Variants in EIF2B5 observed in about 807,000 individuals in gnomAD.
EIF2B5 encodes the protein translation initiation factor eIF2B subunit epsilon.
Under a neutral mutation model 87.3 loss-of-function variants are expected in EIF2B5, and 38 were observed. The observed-to-expected ratio is 0.44, with a 90% confidence interval of 0.34 to 0.57. EIF2B5 has a LOEUF of 0.57. Among genes scored for constraint, EIF2B5 ranks in the 20% least tolerant of loss-of-function variants. EIF2B5 has a pLI of 0.02. For missense variants in EIF2B5, 784 were observed against 909.5 expected (o/e 0.86, Z 1.78); for synonymous variants, 313 against 339.6 (o/e 0.92, Z 0.86).
rs749795319 is a variant in EIF2B5 at position 184,137,738 on chromosome 3, G to C, written c.439G>C (p.Asp147His). The change falls in exon 3 of 16, where the codon GAC (aspartate) becomes CAC (histidine). Residue 147 changes from aspartate to histidine, a missense_variant. Physicochemically the swap from Asp to His is moderately conservative, Grantham distance 81 (BLOSUM62 -1). This residue lies in a region of EIF2B5 where 660 missense variants were observed against 789.5 expected (regional missense o/e 0.84). Coordinates refer to ENST00000648915, the MANE Select transcript of EIF2B5 (RefSeq NM_003907.3). ...DVDAKALVRS[D>H]FLLVYGDVIS... The stretch of plus-strand genomic sequence containing the variant: ...TGATGCCAAGGCTTTGGTGCGCTCT[G>C]ACTTTCTTCTGGTGTATGGGGATGT... The C allele has an allele frequency of 5.0e-6, 8 of 1,614,190 alleles. No individual in the cohort carries two copies. The highest frequency in any genetic ancestry group is 8.5e-7 in the Non-Finnish European group (1 of 1,180,052).
At position 184,142,742 on chromosome 3, in the gene EIF2B5, CT is replaced by C. The variant is rs766164561; in HGVS notation, c.1547-30del. 1.9e-6 allele frequency: 3 copies of C among 1,597,032 alleles called. No individual in the cohort carries two copies. The highest frequency in any genetic ancestry group is 1.7e-6 in the Non-Finnish European group (2 of 1,169,028). On this transcript the variant is annotated intron_variant, in intron 10 of 15. Transcript: ENST00000648915. The surrounding 1 kb of genome is among the most constrained non-coding windows in gnomAD (Gnocchi z 5.0). ...GGTATATTGCTCTCTGTCAATGACT[CT>C]TTTTTTCTTTTTCCTCACCCATTAT...
chr3:184,140,296 C>T, intron 6 of EIF2B5, 122 bp from the exon 7 acceptor site: 1 of 1,411,122 alleles, frequency 7.1e-7, no homozygotes, highest in Non-Finnish European at 1.0e-6. Context: ...GAACAGTACA[C>T]AAAGAAGAAT....
chr3:184,143,167 C>T (rs367638981), intron 12 of EIF2B5, 25 bp downstream of exon 12: 1 of 1,605,746 alleles, frequency 6.2e-7, no homozygotes, highest in Non-Finnish European at 8.5e-7. Context: ...TCCCTGTTCT[C>T]CTCGGGGTGA....
Position 184,144,693 on chromosome 3 carries a change from C to T in EIF2B5, c.2092C>T (p.Arg698Cys), listed in dbSNP as rs374599117. Residue 698 changes from arginine (R) to cysteine (C), a missense_variant, in exon 15 of 16, where the codon CGC becomes TGC. By Grantham distance (180) the Arg-to-Cys change is radical. Transcript: ENST00000648915. Reference protein sequence around the residue: ...RDTTDKGQQLRKNQQLQRFIQ... With the variant: ...RDTTDKGQQLCKNQQLQRFIQ... ...TACAACTGACAAGGGCCAGCAGTTG[C>T]GCAAGAATCAACAGGTGCGTCAGGC... The T allele has an allele frequency of 3.4e-5, 55 of 1,613,864 alleles. No homozygotes were observed. The highest frequency in any genetic ancestry group is 2.2e-4 in the Admixed American group (13 of 59,966).
chr3:184,144,734 A>C (rs1285700516), intron 15 of EIF2B5, 27 bp downstream of exon 15: 1 of 1,605,336 alleles, frequency 6.2e-7, no homozygotes, highest in East Asian at 2.2e-5. Flanking sequence ...TCCTCTCGCC[A>C]AGATGGTTAT....
chr3:184,137,175 T>C (rs559541583), intron 2 of EIF2B5: 17 of 336,094 alleles, frequency 5.1e-5, no homozygotes, highest in South Asian at 4.0e-4. Flanking sequence ...TACATGTTTG[T>C]TGAAATCTTG....
chr3:184,139,996 C>G (rs1713551244), intron 5 of EIF2B5, 84 bp from the exon 6 acceptor site: 1 of 1,138,030 alleles, frequency 8.8e-7, no homozygotes, highest in Non-Finnish European at 1.3e-6. Context: ...GCACTCCAGC[C>G]TGGGCAACAG....
chr3:184,135,631 G>T, intron 1 of EIF2B5, 51 bp downstream of exon 1: 1 of 1,552,864 alleles, frequency 6.4e-7, no homozygotes, highest in Non-Finnish European at 8.7e-7. Flanking sequence ...TGGCAGGGCT[G>T]GAGCAAGTTC....
intron 1 of EIF2B5, chr3:184,135,918 T>A: frequency 5.4e-6 from 2 of 371,656 alleles, no homozygotes; most frequent in Admixed American, 4.4e-5. Context: ...GTTGCTTAGG[T>A]GAAAAGAAAC....
At chr3:184,139,373 C>T (rs557266917) in intron 5 of EIF2B5, among the ~76,000 whole-genome samples, 67 of 149,698 alleles carry the variant, frequency 4.5e-4, no homozygotes, top group African/African-American at 1.6e-3. Context: ...CTCCACCTCC[C>T]AGGTTCAAGC....
rs1465357603 is a variant in EIF2B5, at chr3:184,143,515, C to T, written c.1819C>T (p.Gln607Ter). Residue 607 changes from glutamine (Q) to a stop codon, truncating the protein, a stop_gained, in exon 13 of 16, where the codon CAG becomes TAG. Coordinates refer to ENST00000648915, the MANE Select transcript of EIF2B5 (RefSeq NM_003907.3). LOFTEE classifies it high-confidence loss of function. ...SHVVLEFPLQ[Q>*]MDSPLDSSRY... ...CGTGGTCCTGGAGTTCCCCCTGCAA[C>T]AGATGGATTCCCCGCTTGACTCAAG... 1 of 1,614,214 alleles carries T rather than the reference C, an allele frequency of 6.2e-7. No individual in the cohort carries two copies. Among genetic ancestry groups the T allele is most frequent in the Non-Finnish European group, 8.5e-7 (1 of 1,180,044 alleles).
At position 184,142,744 on chromosome 3, in the gene EIF2B5, T is replaced by G. The variant is rs1230484555; in HGVS notation, c.1547-35T>G. ...TATATTGCTCTCTGTCAATGACTCTTTTTTTCTTTTTCCTCACCCATTATG... is the reference window on the plus strand; with the variant it reads ...TATATTGCTCTCTGTCAATGACTCTGTTTTTCTTTTTCCTCACCCATTATG... On this transcript the variant is annotated intron_variant, in intron 10 of 15. Transcript: ENST00000648915. The surrounding 1 kb of genome is among the most constrained non-coding windows in gnomAD (Gnocchi z 5.0). The G allele has an allele frequency of 2.5e-6, 4 of 1,600,544 alleles. No individual in the cohort carries two copies. In the South Asian group the frequency reaches 4.5e-5, roughly 18 times the overall value.
chr3:184,142,818 G>A lies in EIF2B5; in HGVS notation c.1586G>A (p.Ser529Asn), dbSNP rs747664834. The change falls in exon 11 of 16, where the codon AGT becomes AAT. Residue 529 changes from serine (S) to asparagine (N), a missense_variant. Ser to Asn is a conservative substitution (Grantham distance 46). Transcript: ENST00000648915. This position sits in a 1 kb window ranked among gnomAD's most constrained non-coding sequence, Gnocchi z 5.0. ...ATGGAAGAAGAGAGTGAAAGTGAAA[G>A]TGAGCAAAGTATGGATTCTGAGGAG... is the stretch of plus-strand genomic sequence containing the variant. ...INMEEESESE[S>N]EQSMDSEEPD... 3.7e-6 allele frequency: 6 copies of A among 1,614,156 alleles called. No homozygotes were observed. The South Asian group carries it at 5.5e-5, about 15-fold the overall frequency.
rs1196978595 is a variant in EIF2B5, at chr3:184,139,270, ATTTTTTTTTTTTT to A, written c.766-794_766-782del. Among the ~76,000 whole-genome samples, 14 of 48,012 alleles carry A rather than the reference ATTTTTTTTTTTTT, an allele frequency of 2.9e-4. 1 individual carries two copies. The highest frequency in any genetic ancestry group is 7.4e-4 in the Admixed American group (2 of 2,712). 31.5% of individuals were successfully genotyped at this position (48,012 alleles called of 152,430 possible). A position where few individuals can be genotyped will look rare whatever the true frequency, so the allele number is the denominator to read the frequency against. On this transcript the variant is annotated intron_variant, in intron 5 of 15. Coordinates refer to ENST00000648915, the MANE Select transcript of EIF2B5 (RefSeq NM_003907.3). ...ACAGGTGTGAGCCTCTGCACCCAGC[ATTTTTTTTTTTTT>A]TTTTTTTTTTTTTTTGAGTCGGAGT... is the stretch of plus-strand genomic sequence containing the variant.
chr3:184,137,608 C>T lies in EIF2B5; in HGVS notation c.321-12C>T. Reference sequence around the variant, plus strand: ...TTGATACACTCATTCCCCTCACCCTCCCTTCCTTTAGGAAGTCAAAGTGGT... The same window carrying T: ...TTGATACACTCATTCCCCTCACCCTTCCTTCCTTTAGGAAGTCAAAGTGGT... On this transcript the variant is annotated splice_polypyrimidine_tract_variant and intron_variant, in intron 2 of 15. Transcript: ENST00000648915. The T allele has an allele frequency of 6.2e-7, 1 of 1,613,624 alleles. No individual in the cohort carries two copies. Among genetic ancestry groups the T allele is most frequent in the Non-Finnish European group, 8.5e-7 (1 of 1,179,568 alleles).
At chr3:184,143,827 T>C in intron 13 of EIF2B5, 1 of 673,586 alleles carries the variant, frequency 1.5e-6, no homozygotes. Flanking sequence ...ATTCAGACTC[T>C]ATGGCAGCAA....
In EIF2B5 at chr3:184,140,743, G is replaced by A; in HGVS notation, c.1156+13G>A. The A allele has an allele frequency of 6.2e-7, 1 of 1,613,664 alleles. No individual in the cohort carries two copies. Among genetic ancestry groups the A allele is most frequent in the Non-Finnish European group, 8.5e-7 (1 of 1,180,020 alleles). On this transcript the variant is annotated intron_variant, in intron 7 of 15. Transcript: ENST00000648915. ...GGCTGCCACATTGGTGAGCACAGGTGGGGAATCAAGCCAACTATCCTAGGA... is the reference window on the plus strand; with the variant it reads ...GGCTGCCACATTGGTGAGCACAGGTAGGGAATCAAGCCAACTATCCTAGGA...
In EIF2B5 at chr3:184,142,209, A is replaced by T. The variant is rs1461252494; in HGVS notation, c.1303-28A>T. 6.2e-7 allele frequency: 1 copy of T among 1,613,996 alleles called. No homozygotes were observed. On this transcript the variant is annotated intron_variant, in intron 8 of 15. Coordinates refer to ENST00000648915, the MANE Select transcript of EIF2B5 (RefSeq NM_003907.3). The surrounding 1 kb of genome is among the most constrained non-coding windows in gnomAD (Gnocchi z 5.0). The stretch of plus-strand genomic sequence containing the variant: ...AGGATGCACTTTTCCTCCACACCCT[A>T]ATGGTTCTGTGTTTTTTTTCCCCTT...
chr3:184,135,549 G>T lies in EIF2B5; in HGVS notation c.164G>T (p.Arg55Leu). ...AVLVADSFDR[R>L]FFPISKDQPR... is the part of the protein sequence containing the mutation. The stretch of plus-strand genomic sequence containing the variant: ...CTGGTGGCCGATAGCTTCGATCGCC[G>T]CTTCTTCCCCATCTCCAAGGACCAG... The change falls in exon 1 of 16, where the codon CGC becomes CTC. Residue 55 changes from arginine to leucine, a missense_variant. Physicochemically the swap from Arg to Leu is moderately radical, Grantham distance 102. Coordinates refer to ENST00000648915, the MANE Select transcript of EIF2B5 (RefSeq NM_003907.3). 6.3e-7 allele frequency: 1 copy of T among 1,590,642 alleles called. No homozygotes were observed. The highest frequency in any genetic ancestry group is 8.5e-7 in the Non-Finnish European group (1 of 1,169,694).
Sources: gnomAD v4.1 joint callset for allele counts (sites outside exome capture counted in the v4.1 genomes callset) on GRCh38, gnomAD v4.1.1 for gene constraint, gnomAD v4.1.1 regional missense constraint, Gnocchi (gnomAD v3.1) non-coding constraint, MANE v1.5 for transcripts, NCBI Gene and HGNC (gene_info 2026-07-23, HGNC 2026-07-21) for gene names.